Variants in MYT1 observed in about 807,000 individuals in gnomAD.
The protein encoded by MYT1 is myelin transcription factor I.
Under a neutral mutation model 123.0 loss-of-function variants are expected in MYT1, and 23 were observed. The ratio of observed to expected loss-of-function variants is 0.19; its 90% CI spans 0.13 to 0.26. The LOEUF (loss-of-function observed/expected upper bound fraction) is 0.26, where lower values mean the gene tolerates loss of function less well. MYT1 is among the 10% of genes least tolerant of loss of function. The probability of loss-of-function intolerance (pLI) is 1.00; values close to 1 mark genes in which losing one functional copy is unlikely to be tolerated. For synonymous variants in MYT1, 518 were observed against 575.3 expected (o/e 0.90, Z 1.43); for missense variants, 1,125 against 1,472.5 (o/e 0.76, Z 3.86).
chr20:64,234,045 G>A (rs1293943699), intron 19 of MYT1, among the ~76,000 whole-genome samples: 1 of 152,236 alleles, frequency 6.6e-6, no homozygotes, highest in Non-Finnish European at 1.5e-5. Context: ...AGCCGGGAAG[G>A]CCACTAAAGG....
intron 18 of MYT1, among the ~76,000 whole-genome samples, chr20:64,230,640 C>G (rs150836952): frequency 6.6e-6 from 1 of 152,252 alleles, no homozygotes; most frequent in Non-Finnish European, 1.5e-5. Context: ...CAGGTGTCCC[C>G]CAGGGTCCCA....
intron 1 of MYT1, among the ~76,000 whole-genome samples, chr20:64,181,781 G>A (rs573612375): frequency 9.6e-4 from 147 of 152,338 alleles, no homozygotes; most frequent in Non-Finnish European, 1.6e-3. Flanking sequence ...CTCAGACTGC[G>A]GTGGGGACCT....
rs1312087503 is a variant in MYT1 at position 64,212,454 on chromosome 20, G to C, written c.1517+316G>C. 6.6e-6 allele frequency among the ~76,000 whole-genome samples: 1 copy of C among 152,354 alleles called. No homozygotes were observed. The highest frequency in any genetic ancestry group is 1.9e-4 in the East Asian group (1 of 5,188). On this transcript the variant is annotated intron_variant, in intron 9 of 22. Transcript: ENST00000328439. This position sits in a 1 kb window ranked among gnomAD's most constrained non-coding sequence, Gnocchi z 6.8. ...GCGGTGAGGGGCCTTTGTGAGGGCAGAGTGGCAACTGGAGGTGCAGTCACC... is the reference window on the plus strand; with the variant it reads ...GCGGTGAGGGGCCTTTGTGAGGGCACAGTGGCAACTGGAGGTGCAGTCACC...
intron 22 of MYT1, 111 bp downstream of exon 22, chr20:64,240,014 G>A: frequency 1.4e-6 from 2 of 1,463,354 alleles, no homozygotes; most frequent in East Asian, 2.3e-5. Context: ...TGCCCTAGGG[G>A]CCCTGTGCCC....
intron 10 of MYT1, among the ~76,000 whole-genome samples, chr20:64,216,118 CT>C (rs1285884110): frequency 6.6e-6 from 1 of 152,200 alleles, no homozygotes; most frequent in Non-Finnish European, 1.5e-5. Flanking sequence ...TTAGTCCACA[CT>C]TAAGTTCTCG....
chr20:64,216,085 G>A (rs1408126864), intron 10 of MYT1, among the ~76,000 whole-genome samples: 2 of 152,190 alleles, frequency 1.3e-5, no homozygotes, highest in Admixed American at 6.5e-5. Context: ...TGGCCTGGTG[G>A]TCCTCTGTGC....
chr20:64,235,487 T>C (rs965329739), intron 19 of MYT1, among the ~76,000 whole-genome samples: 2 of 133,472 alleles, frequency 1.5e-5, no homozygotes, highest in Non-Finnish European at 3.1e-5. Flanking sequence ...TCATGATGGG[T>C]GACCCTGGGC....
chr20:64,222,969 C>A, intron 14 of MYT1, 142 bp from the exon 15 acceptor site: 1 of 832,788 alleles, frequency 1.2e-6, no homozygotes, highest in Non-Finnish European at 2.0e-6. Context: ...CGGCTGTCCT[C>A]CAAGGACTGA....
rs1169217549 is a variant in MYT1, at chr20:64,236,234, G to GGCTGGCTGTGGTGGGT, written c.2898-320_2898-319insCTGGCTGTGGTGGGTG. Among the ~76,000 whole-genome samples the GGCTGGCTGTGGTGGGT allele has an allele frequency of 1.5e-4, 21 of 143,844 alleles. 1 individual carries two copies. Among genetic ancestry groups the GGCTGGCTGTGGTGGGT allele is most frequent in the African/African-American group, 5.3e-4 (20 of 37,534 alleles). The allele number at this position is 143,844 out of a possible 152,430, so 94.4% of individuals were successfully genotyped here. A position where few individuals can be genotyped will look rare whatever the true frequency, so the allele number is the denominator to read the frequency against. ...GGGCTGGCTGTGGTGGGTGACCCTG[G>GGCTGGCTGTGGTGGGT]GATGGCTGTGGTGGGTGACCCTGGG... On this transcript the variant is annotated intron_variant, in intron 19 of 22. Transcript: ENST00000328439.
chr20:64,208,516 A>C lies in MYT1; in HGVS notation c.1291+29A>C. 1 of 1,555,732 alleles carries C rather than the reference A, an allele frequency of 6.4e-7. No homozygotes were observed. The highest frequency in any genetic ancestry group is 8.7e-7 in the Non-Finnish European group (1 of 1,148,200). ...GGGCTCAGGGGTGGCCTGGCCCTGC[A>C]GACTCATCCTTTCACCCCTGCCCCA... On this transcript the variant is annotated intron_variant, in intron 7 of 22. Coordinates refer to ENST00000328439, the MANE Select transcript of MYT1 (RefSeq NM_004535.3). The surrounding 1 kb of genome is among the most constrained non-coding windows in gnomAD (Gnocchi z 5.4).
At position 64,239,873 on chromosome 20, in the gene MYT1, A is replaced by C; in HGVS notation, c.3207A>C (p.Gln1069His). The stretch of plus-strand genomic sequence containing the variant: ...CCGGCCTGAGCCAGGCCCTCATCCA[A>C]AGTCTCGCCAATATCCGCCTTCCGC... ...ELSGLSQALIQSLANIRLPHM... is the reference protein window; with the variant it reads ...ELSGLSQALIHSLANIRLPHM... The change falls in exon 22 of 23, where the codon CAA becomes CAC. Residue 1069 changes from glutamine to histidine, a missense_variant. Transcript: ENST00000328439. 1 of 1,613,548 alleles carries C rather than the reference A, an allele frequency of 6.2e-7. No homozygotes were observed. The highest frequency in any genetic ancestry group is 1.1e-5 in the South Asian group (1 of 91,080).
chr20:64,174,698 C>CCTG (rs1425844174), intron 1 of MYT1, among the ~76,000 whole-genome samples: 1 of 132 alleles, frequency 7.6e-3, no homozygotes, highest in Non-Finnish European at 0.014. Context: ...AGCATCTTTC[C>CCTG]TAGTTGTGTC....
chr20:64,211,702 G>C (rs891741266), intron 8 of MYT1, among the ~76,000 whole-genome samples: 4 of 152,226 alleles, frequency 2.6e-5, no homozygotes, highest in Admixed American at 2.6e-4. Context: ...GCAAATACTT[G>C]TTCTTATGTT....
intron 1 of MYT1, among the ~76,000 whole-genome samples, chr20:64,165,278 T>C (rs1403967263): frequency 6.6e-6 from 1 of 151,930 alleles, no homozygotes; most frequent in African/African-American, 2.4e-5. Flanking sequence ...AACTTAAGGA[T>C]CAATATCTAG....
chr20:64,230,505 C>G (rs886170715), intron 18 of MYT1, among the ~76,000 whole-genome samples: 1 of 152,224 alleles, frequency 6.6e-6, no homozygotes, highest in Non-Finnish European at 1.5e-5. Flanking sequence ...AAGAGCGAGA[C>G]TCCATCTCAA....
chr20:64,181,555 C>T (rs1383715941), intron 1 of MYT1, among the ~76,000 whole-genome samples: 3 of 152,212 alleles, frequency 2.0e-5, no homozygotes, highest in African/African-American at 7.2e-5. Context: ...CTGTCACTGT[C>T]TGGGCTGGGC....
rs79751488 is a variant in MYT1 at position 64,169,729 on chromosome 20, T to G, written c.-99+4990T>G. On this transcript the variant is annotated intron_variant, in intron 1 of 22. Coordinates refer to ENST00000328439, the MANE Select transcript of MYT1 (RefSeq NM_004535.3). ...CTTACTATGGTTAACATTATTTTCA[T>G]TGAGACTGGGCCTTAATCTTCGAAT... Among the ~76,000 whole-genome samples the G allele has an allele frequency of 2.0e-5, 3 of 152,160 alleles. No individual in the cohort carries two copies. In the South Asian group the frequency reaches 6.2e-4, roughly 32 times the overall value.
intron 18 of MYT1, among the ~76,000 whole-genome samples, chr20:64,230,948 C>T (rs547740386): frequency 3.9e-5 from 6 of 152,300 alleles, no homozygotes; most frequent in East Asian, 3.9e-4. Context: ...AGGAGCCGGA[C>T]GCTGCCCTCC....
Position 64,227,844 on chromosome 20 carries a change from C to T in MYT1, c.2592-44C>T, listed in dbSNP as rs753068382. 9.0e-6 allele frequency: 14 copies of T among 1,562,426 alleles called. No individual in the cohort carries two copies. The South Asian group carries it at 9.2e-5, about 10-fold the overall frequency. On this transcript the variant is annotated intron_variant, in intron 17 of 22. Transcript: ENST00000328439. ...TGAGATGAACGGGTGTGAGAAGCTG[C>T]GGTTCCAGCACTAAGGTGGCCTTTT...
Sources: gnomAD v4.1 joint callset for allele counts (sites outside exome capture counted in the v4.1 genomes callset) on GRCh38, gnomAD v4.1.1 for gene constraint, Gnocchi (gnomAD v3.1) non-coding constraint, MANE v1.5 for transcripts, NCBI Gene and HGNC (gene_info 2026-07-23, HGNC 2026-07-21) for gene names.